LRMDA: variants seen among roughly 807,000 people sequenced by gnomAD.
The protein encoded by LRMDA is leucine rich melanocyte differentiation associated.
Under a neutral mutation model 29.8 loss-of-function variants are expected in LRMDA, and 18 were observed. The observed-to-expected ratio is 0.60, with a 90% CI of 0.42 to 0.90. LRMDA has a LOEUF of 0.90. LRMDA is among the 40% of genes least tolerant of loss of function. The pLI, the probability that LRMDA is intolerant of heterozygous loss-of-function variation, is 0.00. For synonymous variants in LRMDA, 125 were observed against 109.4 expected, an observed-to-expected ratio of 1.14 and a Z score of -0.89; for missense variants, 273 against 273.9, an observed-to-expected ratio of 1.00 and a Z score of 0.02.
chr10:76,357,417 TG>T (rs1248275790), intron 6 of LRMDA, among the ~76,000 whole-genome samples: 3 of 152,184 alleles, frequency 2.0e-5, no homozygotes, highest in Admixed American at 6.5e-5. Context: ...CCAAACTATG[TG>T]TGTGGAGGTA....
intron 5 of LRMDA, among the ~76,000 whole-genome samples, chr10:76,143,020 C>T (rs946146613): frequency 3.3e-5 from 5 of 152,124 alleles, no homozygotes; most frequent in Admixed American, 6.6e-5. Flanking sequence ...AGGACATGAA[C>T]GCATCATTTT....
At chr10:76,351,037 G>A (rs570303246) in intron 6 of LRMDA, among the ~76,000 whole-genome samples, 1 of 152,154 alleles carries the variant, frequency 6.6e-6, no homozygotes, top group East Asian at 1.9e-4. Flanking sequence ...AAAGTCAAAC[G>A]TGAAAAATGG....
At chr10:76,445,776 G>A (rs1842348559) in intron 6 of LRMDA, among the ~76,000 whole-genome samples, 4 of 152,114 alleles carry the variant, frequency 2.6e-5, no homozygotes, top group Admixed American at 2.0e-4. Flanking sequence ...TTGGAGTGGA[G>A]GGAAACAAGA....
intron 2 of LRMDA, among the ~76,000 whole-genome samples, chr10:75,730,769 T>C (rs1270450257): frequency 1.3e-5 from 2 of 152,176 alleles, no homozygotes; most frequent in African/African-American, 2.4e-5. Flanking sequence ...TTGAGTTTTT[T>C]ATATGGATCT....
intron 5 of LRMDA, among the ~76,000 whole-genome samples, chr10:76,289,528 A>G (rs547875519): frequency 1.3e-5 from 2 of 152,170 alleles, no homozygotes; most frequent in South Asian, 4.1e-4. Context: ...GTTTATAAGG[A>G]GTTCAATATT....
intron 2 of LRMDA, among the ~76,000 whole-genome samples, chr10:75,485,397 A>G (rs1844898980): frequency 6.6e-6 from 1 of 151,444 alleles, no homozygotes; most frequent in East Asian, 1.9e-4. Flanking sequence ...TTTTAGCACT[A>G]TTTTCTTTTT....
chr10:75,738,692 G>GC (rs1392960915), intron 2 of LRMDA, among the ~76,000 whole-genome samples: 3 of 152,134 alleles, frequency 2.0e-5, no homozygotes, highest in Admixed American at 6.5e-5. Context: ...CGAGGCAAGT[G>GC]CCCCACGTTT....
At chr10:76,169,641 A>G (rs1850799964) in intron 5 of LRMDA, among the ~76,000 whole-genome samples, 1 of 152,202 alleles carries the variant, frequency 6.6e-6, no homozygotes, top group South Asian at 2.1e-4. Flanking sequence ...TAATAAGCCC[A>G]TAGTGGAGGC....
intron 2 of LRMDA, among the ~76,000 whole-genome samples, chr10:75,528,918 G>A (rs1258007955): frequency 6.6e-6 from 1 of 151,996 alleles, no homozygotes; most frequent in Admixed American, 6.6e-5. Context: ...TAAGAAAAAA[G>A]CCCTTAAAAA....
chr10:76,356,361 C>T (rs1320742833), intron 6 of LRMDA, among the ~76,000 whole-genome samples: 2 of 152,162 alleles, frequency 1.3e-5, no homozygotes, highest in African/African-American at 4.8e-5. Flanking sequence ...CAGAAGAGAA[C>T]TAGAAAATCC....
intron 6 of LRMDA, among the ~76,000 whole-genome samples, chr10:76,458,629 G>A (rs1423802504): frequency 1.3e-5 from 2 of 152,086 alleles, no homozygotes. Context: ...CTTTCTTTAA[G>A]GAATGACCTC....
intron 2 of LRMDA, among the ~76,000 whole-genome samples, chr10:75,741,840 C>T (rs1036363160): frequency 6.6e-6 from 1 of 152,066 alleles, no homozygotes; most frequent in Non-Finnish European, 1.5e-5. Flanking sequence ...ACTCCTAAGC[C>T]CCAGTGTGAT....
Position 75,561,370 on chromosome 10 carries a change from C to T in LRMDA, c.131+122876C>T, listed in dbSNP as rs930726885. 4.7e-5 allele frequency among the ~76,000 whole-genome samples: 7 copies of T among 147,796 alleles called. No homozygotes were observed. In the East Asian group the frequency reaches 1.0e-3, roughly 22 times the overall value. On this transcript the variant is annotated intron_variant, in intron 2 of 6. Transcript: ENST00000611255. ...ATGGTAGTTTGTATTTCTGTGGGAT[C>T]AATGGTGATATCCCCTTTATCATTT...
chr10:76,188,267 C>T (rs1851183011), intron 5 of LRMDA, among the ~76,000 whole-genome samples: 1 of 152,180 alleles, frequency 6.6e-6, no homozygotes, highest in Non-Finnish European at 1.5e-5. Flanking sequence ...ATTATGATAG[C>T]ACTCTGTAGT....
chr10:76,287,655 G>A (rs1840289182), intron 5 of LRMDA, among the ~76,000 whole-genome samples: 1 of 152,030 alleles, frequency 6.6e-6, no homozygotes, highest in South Asian at 2.1e-4. Context: ...GTTTTGTTTG[G>A]TCCACTTTTT....
intron 2 of LRMDA, among the ~76,000 whole-genome samples, chr10:75,632,138 C>T (rs1841331998): frequency 6.6e-6 from 1 of 152,100 alleles, no homozygotes; most frequent in African/African-American, 2.4e-5. Context: ...TGGTACCATC[C>T]CCTGGGAGCT....
At chr10:75,533,079 G>A (rs1845496953) in intron 2 of LRMDA, among the ~76,000 whole-genome samples, 1 of 152,164 alleles carries the variant, frequency 6.6e-6, no homozygotes, top group Non-Finnish European at 1.5e-5. Flanking sequence ...TGAAAAGAAA[G>A]GTACTAGGCT....
At chr10:76,038,030 T>C (rs762754807) in intron 3 of LRMDA, among the ~76,000 whole-genome samples, 12 of 152,242 alleles carry the variant, frequency 7.9e-5, no homozygotes, top group Non-Finnish European at 1.2e-4. Flanking sequence ...TGTAGTCTTA[T>C]GGCTTTCTAG....
intron 2 of LRMDA, among the ~76,000 whole-genome samples, chr10:75,621,206 A>ACACACG (rs1841178752): frequency 8.6e-6 from 1 of 115,992 alleles, no homozygotes; most frequent in Admixed American, 9.5e-5. Context: ...CATTACACAC[A>ACACACG]CACACACACA....
Sources: gnomAD v4.1 joint callset for allele counts (sites outside exome capture counted in the v4.1 genomes callset) on GRCh38, gnomAD v4.1.1 for gene constraint, MANE v1.5 for transcripts, NCBI Gene and HGNC (gene_info 2026-07-23, HGNC 2026-07-21) for gene names.